The following WWOX variants were observed in gnomAD, a reference collection of about 807,000 sequenced individuals.
The protein encoded by WWOX is WW domain containing oxidoreductase, also known as WW domain-containing oxidoreductase.
A neutral mutation model predicts 46.2 loss-of-function variants in WWOX; 69 were observed. The observed-to-expected ratio is 1.49, with a 90% CI of 1.23 to 1.82. The LOEUF (loss-of-function observed/expected upper bound fraction) is 1.82, where lower values mean the gene tolerates loss of function less well. Among genes scored for constraint, WWOX ranks in the 40% most tolerant of loss-of-function variants. The probability of loss-of-function intolerance (pLI) is 0.00; values close to 1 mark genes in which losing one functional copy is unlikely to be tolerated. For synonymous variants in WWOX, 359 were observed against 202.6 expected, an observed-to-expected ratio of 1.77 and a Z score of -6.56; for missense variants, 919 against 542.6, an observed-to-expected ratio of 1.69 and a Z score of -6.89.
chr16:78,425,157 G>C, intron 7 of WWOX, 102 bp downstream of exon 7: 1 of 1,497,894 alleles, frequency 6.7e-7, no homozygotes, highest in Non-Finnish European at 9.2e-7. Context: ...AGTCCTGCTT[G>C]AGACATGTGG....
chr16:79,136,678 C>T (rs9932512), intron 8 of WWOX, among the ~76,000 whole-genome samples: 54,232 of 151,956 alleles, frequency 0.36, 10,301 homozygotes, highest in African/African-American at 0.5. Context: ...AGTTCCTCAC[C>T]GGGTCCTTTC....
At chr16:78,450,617 A>C (rs1473705288) in intron 8 of WWOX, among the ~76,000 whole-genome samples, 1 of 152,244 alleles carries the variant, frequency 6.6e-6, no homozygotes, top group Non-Finnish European at 1.5e-5. Flanking sequence ...TTGGGAACTT[A>C]AACTTTTTTT....
chr16:78,915,168 GC>G (rs1161561703), intron 8 of WWOX, among the ~76,000 whole-genome samples: 3 of 152,042 alleles, frequency 2.0e-5, no homozygotes, highest in African/African-American at 7.2e-5. Context: ...TTCTTCATGT[GC>G]CTCCCCATTC....
chr16:78,189,548 G>A (rs1293940568), intron 5 of WWOX, among the ~76,000 whole-genome samples: 1 of 152,226 alleles, frequency 6.6e-6, no homozygotes, highest in Non-Finnish European at 1.5e-5. Flanking sequence ...GGGACAAGAG[G>A]TCTGAAGTCT....
At chr16:78,600,650 C>G (rs375293016) in intron 8 of WWOX, among the ~76,000 whole-genome samples, 1 of 152,074 alleles carries the variant, frequency 6.6e-6, no homozygotes, top group South Asian at 2.1e-4. Flanking sequence ...CTATAATCTT[C>G]TGGATTCTTC....
chr16:78,498,314 C>T (rs1451182344), intron 8 of WWOX, among the ~76,000 whole-genome samples: 2 of 152,008 alleles, frequency 1.3e-5, no homozygotes, highest in Non-Finnish European at 1.5e-5. Flanking sequence ...TTTTATTGCT[C>T]TGTAAATTGC....
chr16:78,872,303 G>C (rs949772860), intron 8 of WWOX, among the ~76,000 whole-genome samples: 2 of 152,130 alleles, frequency 1.3e-5, no homozygotes, highest in African/African-American at 4.8e-5. Flanking sequence ...AAGAAAGATG[G>C]GCATAAGGAA....
intron 8 of WWOX, among the ~76,000 whole-genome samples, chr16:78,930,087 ACTC>A (rs2045585798): frequency 6.6e-6 from 1 of 151,220 alleles, no homozygotes; most frequent in Non-Finnish European, 1.5e-5. Flanking sequence ...CCTTCTTCAC[ACTC>A]CTCCTTCCCT....
At chr16:78,399,737 G>A (rs1476121293) in intron 6 of WWOX, among the ~76,000 whole-genome samples, 2 of 152,134 alleles carry the variant, frequency 1.3e-5, no homozygotes, top group Non-Finnish European at 2.9e-5. Flanking sequence ...ATCCAGCTTG[G>A]TTTTTCTCCT....
At chr16:78,530,490 C>G (rs577298705) in intron 8 of WWOX, among the ~76,000 whole-genome samples, 1 of 152,158 alleles carries the variant, frequency 6.6e-6, no homozygotes, top group African/African-American at 2.4e-5. Context: ...GAAGTCCAGC[C>G]GCTTCTCTCC....
At chr16:78,538,377 A>C (rs1283843195) in intron 8 of WWOX, among the ~76,000 whole-genome samples, 1 of 152,076 alleles carries the variant, frequency 6.6e-6, no homozygotes, top group African/African-American at 2.4e-5. Flanking sequence ...TTAATATTTT[A>C]ATTTCCCCAT....
At chr16:79,096,368 C>T (rs1449894484) in intron 8 of WWOX, among the ~76,000 whole-genome samples, 1 of 152,134 alleles carries the variant, frequency 6.6e-6, no homozygotes, top group Non-Finnish European at 1.5e-5. Flanking sequence ...CGTCCTCTCC[C>T]TTCCCCCATT....
chr16:78,706,431 G>A (rs2048329669), intron 8 of WWOX, among the ~76,000 whole-genome samples: 1 of 152,038 alleles, frequency 6.6e-6, no homozygotes, highest in African/African-American at 2.4e-5. Context: ...TTCCATTTCA[G>A]ATTTCTTTCT....
intron 5 of WWOX, among the ~76,000 whole-genome samples, chr16:78,379,731 C>G (rs2081913162): frequency 6.6e-6 from 1 of 152,168 alleles, no homozygotes; most frequent in Non-Finnish European, 1.5e-5. Context: ...CACTGATACC[C>G]TCCCAGCTAA....
At chr16:78,798,787 C>G (rs188138559) in intron 8 of WWOX, among the ~76,000 whole-genome samples, 2 of 152,044 alleles carry the variant, frequency 1.3e-5, no homozygotes. Flanking sequence ...GTAATATAAA[C>G]TGAAGGACAC....
chr16:78,593,255 G>A (rs1192775346), intron 8 of WWOX, among the ~76,000 whole-genome samples: 1 of 151,696 alleles, frequency 6.6e-6, no homozygotes, highest in Non-Finnish European at 1.5e-5. Context: ...TGCCCAGACT[G>A]GTCTTAAACT....
At chr16:78,260,456 G>T (rs1207189132) in intron 5 of WWOX, among the ~76,000 whole-genome samples, 2 of 151,608 alleles carry the variant, frequency 1.3e-5, no homozygotes, top group African/African-American at 2.4e-5. Context: ...CTTGAGGCCA[G>T]GAGTTTGAGA....
At chr16:78,941,914 C>A (rs1217819782) in intron 8 of WWOX, among the ~76,000 whole-genome samples, 4 of 151,908 alleles carry the variant, frequency 2.6e-5, no homozygotes, top group South Asian at 2.1e-4. Context: ...TGATTAAGTT[C>A]TTTGGTTTTA....
intron 8 of WWOX, among the ~76,000 whole-genome samples, chr16:78,587,193 C>CTTTTTTTTTTTTTTTTTTT (rs528293412): frequency 1.8e-5 from 2 of 112,906 alleles, no homozygotes; most frequent in African/African-American, 6.8e-5. Context: ...GCCTGGCTAA[C>CTTTTTTTTTTTTTTTTTTT]TTTTTTTTTT....
Sources: gnomAD v4.1 joint callset for allele counts (sites outside exome capture counted in the v4.1 genomes callset) on GRCh38, gnomAD v4.1.1 for gene constraint, MANE v1.5 for transcripts, NCBI Gene and HGNC (gene_info 2026-07-23, HGNC 2026-07-21) for gene names.